Variants in LRRC69 observed in about 807,000 individuals in gnomAD.
The protein encoded by LRRC69 is leucine-rich repeat-containing protein 69.
LRRC69 carries 42 observed loss-of-function variants against 37.8 expected under a neutral mutation model. That is an observed-to-expected ratio of 1.11 (90% CI 0.87 to 1.44). LRRC69 has a LOEUF of 1.44. Among genes scored for constraint, LRRC69 ranks in the 40% most tolerant of loss-of-function variants. The pLI, the probability that LRRC69 is intolerant of heterozygous loss-of-function variation, is 0.00. For synonymous variants in LRRC69, 141 were observed against 143.1 expected (o/e 0.99, Z 0.11); for missense variants, 357 against 401.9 (o/e 0.89, Z 0.96).
At chr8:91,206,633 C>G in intron 7 of LRRC69, 1 of 1,262,762 alleles carries the variant, frequency 7.9e-7, no homozygotes, top group Non-Finnish European at 1.0e-6. Flanking sequence ...TGTGCTCTGA[C>G]AGATTCCCTC....
At chr8:91,139,749 T>C (rs1312831116) in intron 5 of LRRC69, among the ~76,000 whole-genome samples, 1 of 151,882 alleles carries the variant, frequency 6.6e-6, no homozygotes, top group Non-Finnish European at 1.5e-5. Flanking sequence ...TATGTCTGGA[T>C]TGGTTTCATT....
intron 7 of LRRC69, among the ~76,000 whole-genome samples, chr8:91,210,668 T>C (rs1283298934): frequency 6.6e-6 from 1 of 152,052 alleles, no homozygotes; most frequent in Non-Finnish European, 1.5e-5. Context: ...TTGATATCTA[T>C]ATAATTTCAC....
intron 7 of LRRC69, among the ~76,000 whole-genome samples, chr8:91,213,003 A>G (rs1178285665): frequency 6.6e-6 from 1 of 152,212 alleles, no homozygotes; most frequent in Non-Finnish European, 1.5e-5. Context: ...TGCTGGATAC[A>G]GTCACAGTAG....
intron 1 of LRRC69, among the ~76,000 whole-genome samples, chr8:91,108,937 C>T (rs1813366328): frequency 6.6e-6 from 1 of 151,900 alleles, no homozygotes; most frequent in Non-Finnish European, 1.5e-5. Flanking sequence ...ATTCTGGTCT[C>T]ACTTTCTAAC....
intron 6 of LRRC69, among the ~76,000 whole-genome samples, chr8:91,199,463 A>G (rs933760100): frequency 3.3e-5 from 5 of 152,192 alleles, no homozygotes; most frequent in Admixed American, 1.3e-4. Flanking sequence ...GGAAATGGAC[A>G]CAGCAATTTA....
chr8:91,121,577 T>A (rs1446070386), intron 1 of LRRC69, among the ~76,000 whole-genome samples: 1 of 152,072 alleles, frequency 6.6e-6, no homozygotes, highest in African/African-American at 2.4e-5. Context: ...ATATATCAAC[T>A]TCTAAGACAG....
intron 5 of LRRC69, among the ~76,000 whole-genome samples, chr8:91,178,067 C>G (rs1809265615): frequency 6.6e-6 from 1 of 152,122 alleles, no homozygotes; most frequent in Admixed American, 6.5e-5. Context: ...CCAGGATGGT[C>G]TCGATCTCCT....
intron 5 of LRRC69, among the ~76,000 whole-genome samples, chr8:91,136,335 T>C (rs1427170685): frequency 1.3e-5 from 2 of 152,016 alleles, no homozygotes; most frequent in Non-Finnish European, 2.9e-5. Context: ...ATTCAATGAA[T>C]AGTTGTTGAC....
In LRRC69 at chr8:91,189,596, A is replaced by G; in HGVS notation, c.726A>G (p.Thr242=). The G allele has an allele frequency of 1.9e-6, 3 of 1,551,364 alleles. No homozygotes were observed. In the African/African-American group the frequency reaches 4.1e-5, roughly 21 times the overall value. The change falls in exon 6 of 8, where the codon ACA becomes ACG. Residue 242 remains threonine, a synonymous_variant. Coordinates refer to ENST00000448384, the Ensembl canonical transcript of LRRC69. ...TCCTGCAGCAGCCAGTGATTTCTAC[A>G]CAGCAGGAGAACGTCTGGAGTCTAC... is the stretch of plus-strand genomic sequence containing the variant.
chr8:91,127,291 A>T (rs188935574), intron 3 of LRRC69, 131 bp downstream of exon 3: 7 of 621,142 alleles, frequency 1.1e-5, no homozygotes, highest in Non-Finnish European at 1.9e-5. Flanking sequence ...GATCTGAAGG[A>T]CTGAGGCAAG....
intron 1 of LRRC69, among the ~76,000 whole-genome samples, chr8:91,114,254 T>G (rs983035686): frequency 1.3e-5 from 2 of 151,900 alleles, no homozygotes; most frequent in African/African-American, 4.8e-5. Flanking sequence ...GTATGAAGAT[T>G]CCTCAAAAAA....
chr8:91,137,142 ATG>A (rs1808436904), intron 5 of LRRC69, among the ~76,000 whole-genome samples: 1 of 152,082 alleles, frequency 6.6e-6, no homozygotes, highest in South Asian at 2.1e-4. Context: ...GTTTCCAAAA[ATG>A]TGTAGATTTG....
chr8:91,201,657 G>A (rs1401715170), intron 7 of LRRC69, among the ~76,000 whole-genome samples: 1 of 151,978 alleles, frequency 6.6e-6, no homozygotes, highest in East Asian at 1.9e-4. Context: ...TTTAATACCA[G>A]AATTCCTTTC....
chr8:91,205,770 A>T (rs968564459), intron 7 of LRRC69, among the ~76,000 whole-genome samples: 1 of 152,138 alleles, frequency 6.6e-6, no homozygotes, highest in Non-Finnish European at 1.5e-5. Flanking sequence ...ACAAAAAAAT[A>T]AAAGTGGAAG....
At chr8:91,141,279 C>A (rs1808529457) in intron 5 of LRRC69, among the ~76,000 whole-genome samples, 1 of 152,036 alleles carries the variant, frequency 6.6e-6, no homozygotes, top group Non-Finnish European at 1.5e-5. Context: ...GCTTAAAGGA[C>A]ATGTCTTTGT....
intron 5 of LRRC69, among the ~76,000 whole-genome samples, chr8:91,142,965 A>C (rs1463169416): frequency 6.6e-6 from 1 of 152,058 alleles, no homozygotes; most frequent in East Asian, 1.9e-4. Context: ...TATACTCTGA[A>C]AAATATTTCA....
intron 6 of LRRC69, among the ~76,000 whole-genome samples, chr8:91,199,059 G>C (rs1207402142): frequency 2.6e-5 from 4 of 152,170 alleles, no homozygotes; most frequent in Non-Finnish European, 5.9e-5. Context: ...CTATTTTTAG[G>C]TCCCTGGTAT....
chr8:91,122,570 G>A (rs1286329540), intron 1 of LRRC69, among the ~76,000 whole-genome samples: 1 of 151,858 alleles, frequency 6.6e-6, no homozygotes, highest in Non-Finnish European at 1.5e-5. Flanking sequence ...CTTTCCCAGG[G>A]GTCTCATGTT....
intron 1 of LRRC69, among the ~76,000 whole-genome samples, chr8:91,114,783 A>G (rs1028536853): frequency 2.6e-5 from 4 of 151,990 alleles, no homozygotes; most frequent in Non-Finnish European, 5.9e-5. Context: ...CACAATGACA[A>G]AATTGCCTAA....
Sources: allele counts gnomAD v4.1 joint callset (sites outside exome capture counted in the v4.1 genomes callset), GRCh38; gene constraint gnomAD v4.1.1; transcripts MANE v1.5; gene names NCBI Gene and HGNC (gene_info 2026-07-23, HGNC 2026-07-21).